The following CERKL variants were observed in gnomAD, a reference collection of about 807,000 sequenced individuals.
CERKL encodes ceramide kinase-like protein.
A neutral mutation model predicts 63.4 loss-of-function variants in CERKL; 61 were observed. The observed-to-expected ratio is 0.96, with a 90% CI of 0.78 to 1.19. CERKL has a LOEUF of 1.19. Ranked by LOEUF, CERKL falls within the 50% of genes most tolerant of loss-of-function variation. CERKL has a pLI of 0.00. For missense variants in CERKL, 675 were observed against 655.5 expected (o/e 1.03, Z -0.33); for synonymous variants, 250 against 230.5 (o/e 1.08, Z -0.77).
At chr2:181,595,383 T>C (rs1019416380) in intron 2 of CERKL, among the ~76,000 whole-genome samples, 2 of 104,854 alleles carry the variant, frequency 1.9e-5, no homozygotes, top group Non-Finnish European at 3.5e-5. Context: ...GCTTCAAGAG[T>C]TTGGAGTTCT....
intron 5 of CERKL, among the ~76,000 whole-genome samples, chr2:181,552,753 A>G (rs939412567): frequency 2.0e-5 from 3 of 152,200 alleles, no homozygotes; most frequent in Non-Finnish European, 4.4e-5. Flanking sequence ...CCATTTCACA[A>G]TGTATACATG....
At position 181,573,874 on chromosome 2, in the gene CERKL, G is replaced by C; in HGVS notation, c.492C>G (p.Asn164Lys). The change falls in exon 3 of 13, where the codon AAC (asparagine) becomes AAG (lysine). Residue 164 changes from asparagine (N) to lysine (K), a missense_variant. Asn to Lys is a moderately conservative substitution (Grantham distance 94). Transcript: ENST00000410087. ...GGAGTATTTTTAATGACTTCGGTCT[G>C]TTTGGAAAGCCTAAGAAGAAATTTT... ...QFKKILAGFPNRPKSLKILLN... is the reference protein window; with the variant it reads ...QFKKILAGFPKRPKSLKILLN... 6.2e-7 allele frequency: 1 copy of C among 1,612,366 alleles called. No homozygotes were observed. Among genetic ancestry groups the C allele is most frequent in the African/African-American group, 1.3e-5 (1 of 74,954 alleles).
At chr2:181,607,471 C>T (rs1321588584) in intron 1 of CERKL, among the ~76,000 whole-genome samples, 1 of 152,168 alleles carries the variant, frequency 6.6e-6, no homozygotes, top group East Asian at 1.9e-4. Flanking sequence ...CAGCCCTTCT[C>T]TTATAAAAAC....
chr2:181,588,408 G>A (rs138640398), intron 2 of CERKL, among the ~76,000 whole-genome samples: 14 of 152,224 alleles, frequency 9.2e-5, no homozygotes, highest in South Asian at 6.2e-4. Context: ...GTTCAACCAC[G>A]TTGTGGCAAA....
intron 1 of CERKL, among the ~76,000 whole-genome samples, chr2:181,606,046 T>TA (rs1685662794): frequency 7.3e-6 from 1 of 137,036 alleles, no homozygotes; most frequent in African/African-American, 2.8e-5. Context: ...AGAAGGCAAG[T>TA]AAAAGGGAAA....
At chr2:181,632,562 C>T (rs921229797) in intron 1 of CERKL, among the ~76,000 whole-genome samples, 4 of 152,146 alleles carry the variant, frequency 2.6e-5, no homozygotes, top group Non-Finnish European at 4.4e-5. Context: ...AAGCACCATA[C>T]AAAGTTAATG....
chr2:181,569,357 C>T (rs574076832), intron 3 of CERKL, among the ~76,000 whole-genome samples: 9 of 152,258 alleles, frequency 5.9e-5, no homozygotes, highest in African/African-American at 2.2e-4. Context: ...CTACTGGAAT[C>T]TTTTGTGACA....
Position 181,537,260 on chromosome 2 carries a change from T to TCCTACTCAGAACTACTCA in CERKL, c.*906_*923dup. 2.2e-6 allele frequency: 1 copy of TCCTACTCAGAACTACTCA among 453,854 alleles called. No homozygotes were observed. Among genetic ancestry groups the TCCTACTCAGAACTACTCA allele is most frequent in the South Asian group, 1.6e-5 (1 of 64,456 alleles). 28.1% of individuals were successfully genotyped at this position (453,854 alleles called of 1,614,324 possible). A position where few individuals can be genotyped will look rare whatever the true frequency, so the allele number is the denominator to read the frequency against. ...CTAAGGAAATTTACATTTGGTTCTT[T>TCCTACTCAGAACTACTCA]CCTACTCAGAACTACTCAGAAACAA... On this transcript the variant is annotated 3_prime_UTR_variant, in exon 13 of 13. Coordinates refer to ENST00000410087, the MANE Select transcript of CERKL (RefSeq NM_201548.5).
At chr2:181,546,508 T>A (rs1274343534) in intron 10 of CERKL, among the ~76,000 whole-genome samples, 2 of 152,182 alleles carry the variant, frequency 1.3e-5, no homozygotes, top group African/African-American at 4.8e-5. Flanking sequence ...CTTTGAAGTT[T>A]TAGCACTAGA....
intron 2 of CERKL, among the ~76,000 whole-genome samples, chr2:181,581,217 A>G (rs1559088331): frequency 6.6e-6 from 1 of 152,252 alleles, no homozygotes; most frequent in Non-Finnish European, 1.5e-5. Flanking sequence ...CAATTGAACG[A>G]CTATCATGTT....
intron 5 of CERKL, among the ~76,000 whole-genome samples, chr2:181,552,929 T>A (rs902040606): frequency 1.3e-5 from 2 of 152,088 alleles, no homozygotes; most frequent in African/African-American, 4.8e-5. Context: ...TGATTCAGAG[T>A]CTGCAATTTA....
chr2:181,631,876 T>C (rs528173821), intron 1 of CERKL, among the ~76,000 whole-genome samples: 2 of 152,342 alleles, frequency 1.3e-5, no homozygotes, highest in African/African-American at 4.8e-5. Context: ...ATGTCATTTT[T>C]ACCCCAACCA....
At chr2:181,586,737 G>A (rs531927310) in intron 2 of CERKL, among the ~76,000 whole-genome samples, 2 of 152,264 alleles carry the variant, frequency 1.3e-5, no homozygotes, top group African/African-American at 2.4e-5. Flanking sequence ...ATCTATCAGT[G>A]AGTCAATGAA....
intron 1 of CERKL, among the ~76,000 whole-genome samples, chr2:181,626,173 T>C (rs1686695222): frequency 6.6e-6 from 1 of 152,306 alleles, no homozygotes; most frequent in Admixed American, 6.5e-5. Flanking sequence ...TACACTATTA[T>C]AATACTTCAT....
intron 3 of CERKL, among the ~76,000 whole-genome samples, chr2:181,568,585 A>G (rs2105837665): frequency 6.6e-6 from 1 of 152,272 alleles, no homozygotes; most frequent in East Asian, 1.9e-4. Context: ...TGTAACCAGA[A>G]TATCTAAAAT....
chr2:181,554,758 C>T lies in CERKL; in HGVS notation c.820+3808G>A, dbSNP rs182619417. 9.6e-3 allele frequency among the ~76,000 whole-genome samples: 1,457 copies of T among 152,244 alleles called. 24 individuals are homozygous for T. Among genetic ancestry groups the T allele is most frequent in the African/African-American group, 0.033 (1,371 of 41,550 alleles). ...CTAAACACTCTCCCTCTGGGTGTCT[C>T]TCTCCAGGAGGCAAATGGCTTCAAA... is the stretch of plus-strand genomic sequence containing the variant. On this transcript the variant is annotated intron_variant, in intron 5 of 12. Transcript: ENST00000410087.
At position 181,652,008 on chromosome 2, in the gene CERKL, C is replaced by T. The variant is rs1302741928; in HGVS notation, c.238+4761G>A. On this transcript the variant is annotated intron_variant, in intron 1 of 12. Transcript: ENST00000410087. The stretch of plus-strand genomic sequence containing the variant: ...TTTGATGAAAGAAATTATCTTCCCA[C>T]ATCAATAAATGGGAAGATAGTACAT... 2.6e-5 allele frequency among the ~76,000 whole-genome samples: 4 copies of T among 152,178 alleles called. No individual in the cohort carries two copies. In the South Asian group the frequency reaches 6.2e-4, roughly 24 times the overall value.
At chr2:181,651,907 C>CT (rs34396506) in intron 1 of CERKL, among the ~76,000 whole-genome samples, 81,726 of 149,436 alleles carry the variant, frequency 0.55, 23,900 homozygotes, top group East Asian at 0.9. Flanking sequence ...ATTTATAGTA[C>CT]TTTTTTAAAA....
At chr2:181,609,347 A>G (rs1685858441) in intron 1 of CERKL, among the ~76,000 whole-genome samples, 2 of 148,930 alleles carry the variant, frequency 1.3e-5, no homozygotes, top group Non-Finnish European at 1.5e-5. Flanking sequence ...GGAATCTCAT[A>G]AAATATTTGA....
Sources: gnomAD v4.1 joint callset for allele counts (sites outside exome capture counted in the v4.1 genomes callset) on GRCh38, gnomAD v4.1.1 for gene constraint, MANE v1.5 for transcripts, NCBI Gene and HGNC (gene_info 2026-07-23, HGNC 2026-07-21) for gene names.